CEP44: variants seen among roughly 807,000 people sequenced by gnomAD.
The protein encoded by CEP44 is centrosomal protein of 44 kDa.
A neutral mutation model predicts 46.7 loss-of-function variants in CEP44; 45 were observed. The ratio of observed to expected loss-of-function variants is 0.96; its 90% CI spans 0.76 to 1.24. CEP44 has a LOEUF of 1.24. Among genes scored for constraint, CEP44 ranks in the 50% most tolerant of loss-of-function variants. The probability of loss-of-function intolerance (pLI) is 0.00; values close to 1 mark genes in which losing one functional copy is unlikely to be tolerated. For synonymous variants in CEP44, 142 were observed against 146.0 expected, an observed-to-expected ratio of 0.97 and a Z score of 0.20; for missense variants, 475 against 459.7, an observed-to-expected ratio of 1.03 and a Z score of -0.30.
At chr4:174,295,308 G>C (rs923295611) in intron 1 of CEP44, among the ~76,000 whole-genome samples, 3 of 151,652 alleles carry the variant, frequency 2.0e-5, no homozygotes, top group African/African-American at 7.3e-5. Context: ...CCTCCCAGAC[G>C]GGGTCGCGGC....
rs1737628522 is a variant in CEP44, at chr4:174,286,773, A to T, written c.-148+2830A>T. Among the ~76,000 whole-genome samples the T allele has an allele frequency of 6.6e-6, 1 of 152,216 alleles. No individual in the cohort carries two copies. The highest frequency in any genetic ancestry group is 2.4e-5 in the African/African-American group (1 of 41,454). On this transcript the variant is annotated intron_variant, in intron 1 of 11. Transcript: ENST00000503780. This position sits in a 1 kb window ranked among gnomAD's most constrained non-coding sequence, Gnocchi z 5.2. ...TGCTATTACTTTTGGGGCAGTTTTT[A>T]AAAAATGAATCATTTTGTTTAAAGT...
chr4:174,325,052 G>A (rs6553781), downstream of CEP44, among the ~76,000 whole-genome samples: 71,593 of 151,990 alleles, frequency 0.47, 17,087 homozygotes, highest in East Asian at 0.59. The surrounding 1 kb of genome is among the most constrained non-coding windows in gnomAD (Gnocchi z 4.4). Context: ...CATGGTGAAT[G>A]GGGGGTGATT....
chr4:174,310,934 T>G lies in CEP44; in HGVS notation c.961+76T>G. The G allele has an allele frequency of 1.4e-6, 1 of 702,908 alleles. No individual in the cohort carries two copies. Among genetic ancestry groups the G allele is most frequent in the South Asian group, 1.9e-5 (1 of 52,120 alleles). The allele number at this position is 702,908 out of a possible 1,614,324, so 43.5% of individuals were successfully genotyped here. A position where few individuals can be genotyped will look rare whatever the true frequency, so the allele number is the denominator to read the frequency against. ...GATTGTTATAGTAATTTTAATATTC[T>G]TAAGCTTTATTGTTTAGAAATTGCA... On this transcript the variant is annotated intron_variant, in intron 9 of 11. Transcript: ENST00000503780. The surrounding 1 kb of genome is among the most constrained non-coding windows in gnomAD (Gnocchi z 4.2).
rs999368430 is a variant in CEP44, at chr4:174,319,815, A to T, written c.*2432A>T. On this transcript the variant is annotated 3_prime_UTR_variant, in exon 12 of 12. Coordinates refer to ENST00000503780, the MANE Select transcript of CEP44 (RefSeq NM_001040157.3). ...CATAATTTTTGGAAAAATAAAGCAAATTCAACTTTATTGGAGTTATTGGAC... is the reference window on the plus strand; with the variant it reads ...CATAATTTTTGGAAAAATAAAGCAATTTCAACTTTATTGGAGTTATTGGAC... 3.1e-6 allele frequency: 3 copies of T among 981,978 alleles called. No homozygotes were observed. The highest frequency in any genetic ancestry group is 3.6e-6 in the Non-Finnish European group (3 of 826,710). 60.8% of individuals were successfully genotyped at this position (981,978 alleles called of 1,614,324 possible). A position where few individuals can be genotyped will look rare whatever the true frequency, so the allele number is the denominator to read the frequency against.
rs535864941 is a variant in CEP44 at position 174,326,713 on chromosome 4, C to A, written c.1087-4769C>A. Among the ~76,000 whole-genome samples, 2 of 152,020 alleles carry A rather than the reference C, an allele frequency of 1.3e-5. No individual in the cohort carries two copies. The highest frequency in any genetic ancestry group is 4.8e-5 in the African/African-American group (2 of 41,522). On this transcript the variant is annotated intron_variant, in intron 8 of 8. Coordinates refer to the CEP44 transcript ENST00000426172. This position sits in a 1 kb window ranked among gnomAD's most constrained non-coding sequence, Gnocchi z 4.8. ...TGCTGGTGATGAATTCTGGAAAAGT[C>A]TTTATTTCACCTTCATTTTCAAATG...
Position 174,290,639 on chromosome 4 carries a change from A to G in CEP44, c.-148+6696A>G, listed in dbSNP as rs1738089656. On this transcript the variant is annotated intron_variant, in intron 1 of 11. Coordinates refer to ENST00000503780, the MANE Select transcript of CEP44 (RefSeq NM_001040157.3). This position sits in a 1 kb window ranked among gnomAD's most constrained non-coding sequence, Gnocchi z 4.3. Reference sequence around the variant, plus strand: ...AGTACATTATAGACAGTGACGTATCAAAGTCTCCTTCTGTATTGTATTGAT... The same window carrying G: ...AGTACATTATAGACAGTGACGTATCGAAGTCTCCTTCTGTATTGTATTGAT... Among the ~76,000 whole-genome samples, 1 of 152,142 alleles carries G rather than the reference A, an allele frequency of 6.6e-6. No homozygotes were observed. The highest frequency in any genetic ancestry group is 1.5e-5 in the Non-Finnish European group (1 of 68,004).
rs534834757 is a variant in CEP44 at position 174,309,168 on chromosome 4, C to G, written c.678+309C>G. The stretch of plus-strand genomic sequence containing the variant: ...TATGCTACTTTGCATAGTGGAGGTT[C>G]TCTACCACCTATTTTCTTTATTGGT... On this transcript the variant is annotated intron_variant, in intron 7 of 11. Coordinates refer to ENST00000503780, the MANE Select transcript of CEP44 (RefSeq NM_001040157.3). This position sits in a 1 kb window ranked among gnomAD's most constrained non-coding sequence, Gnocchi z 5.3. 1.3e-5 allele frequency among the ~76,000 whole-genome samples: 2 copies of G among 152,180 alleles called. No individual in the cohort carries two copies. Among genetic ancestry groups the G allele is most frequent in the South Asian group, 4.1e-4 (2 of 4,828 alleles).
At chr4:174,323,454 G>A (rs1173513084), downstream of CEP44, among the ~76,000 whole-genome samples, 1 of 152,048 alleles carries the variant, frequency 6.6e-6, no homozygotes, top group Non-Finnish European at 1.5e-5. Flanking sequence ...TACCAAACCA[G>A]GCACATTCTG....
At chr4:174,293,201 T>G (rs1178710299) in intron 1 of CEP44, among the ~76,000 whole-genome samples, 5 of 152,242 alleles carry the variant, frequency 3.3e-5, no homozygotes, top group Admixed American at 3.3e-4. Context: ...CAAGTCTTCC[T>G]GTGAGACCTT....
At chr4:174,296,656 T>A (rs1377495510) in intron 1 of CEP44, among the ~76,000 whole-genome samples, 1 of 152,152 alleles carries the variant, frequency 6.6e-6, no homozygotes, top group Non-Finnish European at 1.5e-5. Flanking sequence ...TCTTGGTGGA[T>A]GTTCCATGTG....
At chr4:174,320,984 A>C (rs144019126), downstream of CEP44, among the ~76,000 whole-genome samples, 703 of 152,196 alleles carry the variant, frequency 4.6e-3, 9 homozygotes, top group African/African-American at 0.016. Flanking sequence ...CAAATGTAGT[A>C]CTTCCAGTTT....
chr4:174,299,731 C>T (rs181842638), intron 3 of CEP44, among the ~76,000 whole-genome samples: 2 of 152,170 alleles, frequency 1.3e-5, no homozygotes, highest in Admixed American at 6.5e-5. Context: ...CTGAAGATTG[C>T]GCTTAAGCTC....
chr4:174,302,940 C>T (rs932614342), intron 4 of CEP44, among the ~76,000 whole-genome samples: 5 of 151,962 alleles, frequency 3.3e-5, no homozygotes, highest in Non-Finnish European at 7.4e-5. Context: ...ACCGTGACCA[C>T]GCCTGGCTAA....
chr4:174,314,044 C>T lies in CEP44; in HGVS notation c.962-2122C>T, dbSNP rs189143702. Among the ~76,000 whole-genome samples, 1 of 152,240 alleles carries T rather than the reference C, an allele frequency of 6.6e-6. No individual in the cohort carries two copies. Among genetic ancestry groups the T allele is most frequent in the African/African-American group, 2.4e-5 (1 of 41,562 alleles). ...GGTAAAGGACCCTACTGATTCCCTT[C>T]GTGGAATAAGGTGATAAGCCTCCAA... On this transcript the variant is annotated intron_variant, in intron 9 of 11. Transcript: ENST00000503780. The surrounding 1 kb of genome is among the most constrained non-coding windows in gnomAD (Gnocchi z 4.1).
Position 174,287,024 on chromosome 4 carries a change from G to C in CEP44, c.-148+3081G>C, listed in dbSNP as rs1737651868. ...CACCTTTTCTTCTTGGAAGTAGACA[G>C]CTGGCTAACCAGCAGGAGTTTGGGA... On this transcript the variant is annotated intron_variant, in intron 1 of 11. Transcript: ENST00000503780. The surrounding 1 kb of genome is among the most constrained non-coding windows in gnomAD (Gnocchi z 5.1). Among the ~76,000 whole-genome samples the C allele has an allele frequency of 6.6e-6, 1 of 152,142 alleles. No homozygotes were observed. The highest frequency in any genetic ancestry group is 6.5e-5 in the Admixed American group (1 of 15,274).
intron 6 of CEP44, among the ~76,000 whole-genome samples, chr4:174,305,770 C>G (rs889751717): frequency 6.6e-6 from 1 of 152,090 alleles, no homozygotes; most frequent in African/African-American, 2.4e-5. Flanking sequence ...CTTCATTTTG[C>G]TTAGCACAGG....
intron 8 of CEP44, among the ~76,000 whole-genome samples, chr4:174,330,980 T>C (rs1731291634): frequency 6.6e-6 from 1 of 152,204 alleles, no homozygotes; most frequent in Non-Finnish European, 1.5e-5. Context: ...CATGTAAATC[T>C]TTGATGATAT....
rs78150143 is a variant in CEP44 at position 174,290,615 on chromosome 4, G to A, written c.-148+6672G>A. Reference sequence around the variant, plus strand: ...TGTTGGTATTCTGTCCGGATGACCAGTACATTATAGACAGTGACGTATCAA... The same window carrying A: ...TGTTGGTATTCTGTCCGGATGACCAATACATTATAGACAGTGACGTATCAA... On this transcript the variant is annotated intron_variant, in intron 1 of 11. Transcript: ENST00000503780. The surrounding 1 kb of genome is among the most constrained non-coding windows in gnomAD (Gnocchi z 4.3). Among the ~76,000 whole-genome samples, 19 of 152,158 alleles carry A rather than the reference G, an allele frequency of 1.2e-4. No homozygotes were observed. In the South Asian group the frequency reaches 3.7e-3, roughly 30 times the overall value.
In CEP44 at chr4:174,317,372, C is replaced by A; in HGVS notation, c.1162C>A (p.His388Asn). The A allele has an allele frequency of 7.0e-7, 1 of 1,421,292 alleles. No homozygotes were observed. The highest frequency in any genetic ancestry group is 1.8e-5 in the South Asian group (1 of 55,082). 88.0% of individuals were successfully genotyped at this position (1,421,292 alleles called of 1,614,324 possible). Residue 388 changes from histidine to asparagine, a missense_variant, in exon 12 of 12, where the codon CAC becomes AAC. His to Asn is a moderately conservative substitution (Grantham distance 68). Transcript: ENST00000503780. ...ETAELLKCPN[H>N]YL ...TGCAGAGTTACTGAAATGTCCAAAT[C>A]ACTACTTGTAGGATTTTCTACATGA...
Sources: allele counts gnomAD v4.1 joint callset (sites outside exome capture counted in the v4.1 genomes callset), GRCh38; gene constraint gnomAD v4.1.1; non-coding constraint Gnocchi (gnomAD v3.1); transcripts MANE v1.5; gene names NCBI Gene and HGNC (gene_info 2026-07-23, HGNC 2026-07-21).